STAMBPL1: variants seen among roughly 807,000 people sequenced by gnomAD.
The protein encoded by STAMBPL1 is STAM binding protein like 1.
A neutral mutation model predicts 52.9 loss-of-function variants in STAMBPL1; 44 were observed. That is an observed-to-expected ratio of 0.83 (90% CI 0.65 to 1.07). The LOEUF (loss-of-function observed/expected upper bound fraction) is 1.07. Among genes scored for constraint, STAMBPL1 ranks in the 50% least tolerant of loss-of-function variants. The pLI, the probability that STAMBPL1 is intolerant of heterozygous loss-of-function variation, is 0.00. For missense variants in STAMBPL1, 511 were observed against 520.8 expected, an observed-to-expected ratio of 0.98 and a Z score of 0.18; for synonymous variants, 164 against 177.3, an observed-to-expected ratio of 0.92 and a Z score of 0.60.
intron 8 of STAMBPL1, among the ~76,000 whole-genome samples, chr10:88,918,258 G>T (rs1278117211): frequency 4.6e-5 from 7 of 151,388 alleles, no homozygotes; most frequent in African/African-American, 1.7e-4. Context: ...GCTTTATAGA[G>T]AAGCACTGGG....
chr10:88,902,370 AC>A (rs958114201), intron 2 of STAMBPL1, among the ~76,000 whole-genome samples: 1 of 152,126 alleles, frequency 6.6e-6, no homozygotes, highest in Non-Finnish European at 1.5e-5. Flanking sequence ...GTCCTAGCCT[AC>A]CAGGATGGTA....
At chr10:88,899,183 G>A (rs944630270) in intron 1 of STAMBPL1, among the ~76,000 whole-genome samples, 1 of 152,132 alleles carries the variant, frequency 6.6e-6, no homozygotes, top group African/African-American at 2.4e-5. Context: ...TTATCCTTCT[G>A]TGAATTCAAG....
At chr10:88,895,884 C>T (rs1410314208) in intron 1 of STAMBPL1, among the ~76,000 whole-genome samples, 3 of 152,180 alleles carry the variant, frequency 2.0e-5, no homozygotes, top group Admixed American at 2.0e-4. Context: ...CTTTCTTGCA[C>T]TCACAGTAGC....
chr10:88,916,376 A>G (rs1845369530), intron 7 of STAMBPL1, among the ~76,000 whole-genome samples: 1 of 151,424 alleles, frequency 6.6e-6, no homozygotes, highest in South Asian at 2.1e-4. Context: ...CTAAACTTCC[A>G]CAGACCAGCC....
At chr10:88,890,935 G>A (rs1270907364) in intron 1 of STAMBPL1, among the ~76,000 whole-genome samples, 7 of 152,204 alleles carry the variant, frequency 4.6e-5, no homozygotes, top group African/African-American at 1.2e-4. Flanking sequence ...TTTATCCATC[G>A]CTTCCAGAGT....
At chr10:88,911,177 G>A (rs577401014) in intron 5 of STAMBPL1, among the ~76,000 whole-genome samples, 166 bp downstream of exon 5, 4 of 152,316 alleles carry the variant, frequency 2.6e-5, no homozygotes, top group South Asian at 4.1e-4. Flanking sequence ...TCCAGGTTAA[G>A]CAGTTTCACC....
At chr10:88,915,268 A>G (rs1261330442) in intron 7 of STAMBPL1, among the ~76,000 whole-genome samples, 1 of 152,198 alleles carries the variant, frequency 6.6e-6, no homozygotes, top group Non-Finnish European at 1.5e-5. Flanking sequence ...GTTTCTTTGG[A>G]CGTGTCCTTT....
intron 1 of STAMBPL1, among the ~76,000 whole-genome samples, chr10:88,883,579 G>A (rs989407953): frequency 1.3e-5 from 2 of 152,186 alleles, no homozygotes; most frequent in Admixed American, 6.5e-5. Flanking sequence ...TCAGATTAAC[G>A]TCTAGTACAA....
At chr10:88,908,880 T>C in intron 4 of STAMBPL1, 103 bp downstream of exon 4, 1 of 942,090 alleles carries the variant, frequency 1.1e-6, no homozygotes, top group African/African-American at 1.7e-5. Context: ...CTTGAGAGTT[T>C]GAGCGCAAGA....
intron 2 of STAMBPL1, 84 bp downstream of exon 2, chr10:88,901,822 A>G: frequency 7.3e-7 from 1 of 1,373,464 alleles, no homozygotes. Flanking sequence ...AATGAGTCAC[A>G]ATTACTTTAA....
intron 2 of STAMBPL1, 31 bp downstream of exon 2, chr10:88,901,769 G>A (rs1441287242): frequency 1.9e-6 from 3 of 1,606,092 alleles, no homozygotes; most frequent in Admixed American, 3.4e-5. Flanking sequence ...TCTAACATTT[G>A]GTTGGAAAGC....
At chr10:88,892,181 G>A (rs770072703) in intron 1 of STAMBPL1, among the ~76,000 whole-genome samples, 7 of 152,106 alleles carry the variant, frequency 4.6e-5, no homozygotes, top group Admixed American at 2.6e-4. Flanking sequence ...AGCTGATCAG[G>A]GCCAGGTGCT....
intron 2 of STAMBPL1, among the ~76,000 whole-genome samples, chr10:88,904,850 TA>T (rs996332329): frequency 1.2e-3 from 177 of 151,388 alleles, no homozygotes; most frequent in African/African-American, 4.1e-3. Context: ...CTTTTTATGT[TA>T]AAAAAAATGG....
At chr10:88,883,519 C>A (rs148712839) in intron 1 of STAMBPL1, among the ~76,000 whole-genome samples, 7 of 152,296 alleles carry the variant, frequency 4.6e-5, no homozygotes, top group African/African-American at 1.7e-4. Context: ...CTGGATGTAG[C>A]TACATCTGGA....
At position 88,922,395 on chromosome 10, in the gene STAMBPL1, A is replaced by AT. The variant is rs1845536231; in HGVS notation, c.1213_1214insT (p.Lys405IlefsTer57). On this transcript the variant is annotated frameshift_variant, in exon 10 of 11. Transcript: ENST00000371926. LOFTEE classifies it high-confidence loss of function. ...GCTTGAGGTTTCTGCTTGTAAAAAA[A>AT]AGGGCTTTCATCCACACACCAAGGA... 1 of 1,613,452 alleles carries AT rather than the reference A, an allele frequency of 6.2e-7. No homozygotes were observed. Among genetic ancestry groups the AT allele is most frequent in the African/African-American group, 1.3e-5 (1 of 74,868 alleles).
intron 8 of STAMBPL1, among the ~76,000 whole-genome samples, chr10:88,920,718 A>G (rs1266959722): frequency 1.3e-5 from 2 of 152,120 alleles, no homozygotes; most frequent in Admixed American, 6.5e-5. Context: ...AGTCCCAAAT[A>G]CCTTCAACAA....
At chr10:88,899,654 C>T (rs919185806) in intron 1 of STAMBPL1, among the ~76,000 whole-genome samples, 3 of 152,078 alleles carry the variant, frequency 2.0e-5, no homozygotes, top group African/African-American at 4.8e-5. Flanking sequence ...GGATTACAGG[C>T]GTGCACTACC....
Position 88,913,259 on chromosome 10 carries a change from A to G in STAMBPL1, c.579A>G (p.Gln193=). Residue 193 remains glutamine (Q), a synonymous_variant, in exon 6 of 11, where the codon CAA becomes CAG. Transcript: ENST00000371926. The stretch of plus-strand genomic sequence containing the variant: ...AGAAGCAAGAGTTAGCCCGAGGTCA[A>G]ATGCGAAGTCAGCAAACCTCAGGGC... ...QLKKQELARG[Q]MRSQQTSGLS... 1 of 1,613,914 alleles carries G rather than the reference A, an allele frequency of 6.2e-7. No individual in the cohort carries two copies. Among genetic ancestry groups the G allele is most frequent in the Non-Finnish European group, 8.5e-7 (1 of 1,179,872 alleles).
intron 7 of STAMBPL1, 52 bp from the exon 8 acceptor site, chr10:88,916,628 T>C (rs1410730862): frequency 5.4e-6 from 3 of 558,160 alleles, no homozygotes; most frequent in South Asian, 4.4e-5. Context: ...TGTTCAGTTA[T>C]TTTTTTTTTT....
Sources: allele counts gnomAD v4.1 joint callset (sites outside exome capture counted in the v4.1 genomes callset), GRCh38; gene constraint gnomAD v4.1.1; transcripts MANE v1.5; gene names NCBI Gene and HGNC (gene_info 2026-07-23, HGNC 2026-07-21).